Variants in ADGRL2 observed in about 807,000 individuals in gnomAD.
ADGRL2 encodes adhesion G protein-coupled receptor L2.
In ADGRL2, 44 loss-of-function variants were observed where a neutral mutation model predicts 157.4. The ratio of observed to expected loss-of-function variants is 0.28; its 90% CI spans 0.22 to 0.36. The LOEUF (loss-of-function observed/expected upper bound fraction) is 0.36. Among genes scored for constraint, ADGRL2 ranks in the 10% least tolerant of loss-of-function variants. The probability of loss-of-function intolerance (pLI) is 1.00; values close to 1 mark genes in which losing one functional copy is unlikely to be tolerated. For missense variants in ADGRL2, 1,510 were observed against 1,768.9 expected, an observed-to-expected ratio of 0.85 and a Z score of 2.63; for synonymous variants, 585 against 624.7, an observed-to-expected ratio of 0.94 and a Z score of 0.95.
At chr1:81,357,330 A>G (rs1345798726) in intron 1 of ADGRL2, among the ~76,000 whole-genome samples, 1 of 152,092 alleles carries the variant, frequency 6.6e-6, no homozygotes, top group Non-Finnish European at 1.5e-5. Flanking sequence ...TAAATATCCT[A>G]CACCTGGATA....
intron 3 of ADGRL2, among the ~76,000 whole-genome samples, chr1:81,602,674 G>A (rs749829140): frequency 1.1e-4 from 17 of 151,574 alleles, no homozygotes; most frequent in Non-Finnish European, 1.9e-4. Flanking sequence ...CAAGGTGGGC[G>A]GATCACATGA....
intron 2 of ADGRL2, chr1:81,557,433 A>T (rs1289274242): frequency 6.8e-6 from 1 of 146,898 alleles, no homozygotes; most frequent in African/African-American, 2.7e-5. Context: ...GAGAGAGAAA[A>T]AGAAAGAAAG....
intron 2 of ADGRL2, among the ~76,000 whole-genome samples, chr1:81,540,088 G>A (rs995723250): frequency 2.6e-5 from 4 of 152,076 alleles, no homozygotes; most frequent in South Asian, 4.1e-4. Flanking sequence ...TAACTTCTAC[G>A]ATTGTTTCTC....
chr1:81,370,970 T>C (rs1030375708), intron 1 of ADGRL2, among the ~76,000 whole-genome samples: 2 of 152,190 alleles, frequency 1.3e-5, no homozygotes, highest in African/African-American at 2.4e-5. Context: ...TTCTCTAGTC[T>C]AGCGTTTAAT....
intron 3 of ADGRL2, among the ~76,000 whole-genome samples, chr1:81,919,554 CT>C (rs35658951): frequency 0.58 from 85,623 of 148,680 alleles, 24,919 homozygotes; most frequent in Middle Eastern, 0.76. Flanking sequence ...TAAATGAAAG[CT>C]TTTTTTTTTT....
At chr1:81,361,220 C>T (rs1309859824) in intron 1 of ADGRL2, among the ~76,000 whole-genome samples, 2 of 151,864 alleles carry the variant, frequency 1.3e-5, no homozygotes, top group Non-Finnish European at 2.9e-5. Flanking sequence ...AGTGGCGATC[C>T]ATTGATTTCC....
At chr1:81,904,556 G>A (rs1290376960) in intron 2 of ADGRL2, among the ~76,000 whole-genome samples, 1 of 152,132 alleles carries the variant, frequency 6.6e-6, no homozygotes, top group Non-Finnish European at 1.5e-5. Context: ...TTGAAAAGTG[G>A]AAGGACAAGG....
intron 1 of ADGRL2, among the ~76,000 whole-genome samples, chr1:81,433,568 A>C (rs2077359729): frequency 6.6e-6 from 1 of 152,190 alleles, no homozygotes; most frequent in Non-Finnish European, 1.5e-5. Flanking sequence ...GGAGAGTTTA[A>C]AATGGTGCTT....
intron 2 of ADGRL2, among the ~76,000 whole-genome samples, chr1:81,900,715 G>T (rs2094470087): frequency 6.6e-6 from 1 of 152,154 alleles, no homozygotes; most frequent in African/African-American, 2.4e-5. Flanking sequence ...GACATGAGAG[G>T]ACTTGGCAGC....
intron 1 of ADGRL2, among the ~76,000 whole-genome samples, chr1:81,731,062 C>G (rs17107027): frequency 0.012 from 1,888 of 152,192 alleles, 38 homozygotes; most frequent in African/African-American, 0.043. Flanking sequence ...CAGGTGGTTA[C>G]ATTTTGAAAG....
rs1013851999 is a variant in ADGRL2, at chr1:81,986,818, AT to A, written c.3509-82del. On this transcript the variant is annotated intron_variant, in intron 21 of 23. Transcript: ENST00000686636. ...ACTACCCTTGATGAATATAAAAAAAATAGTTGACTACAACTGTAACACTAAA... is the reference window on the plus strand; with the variant it reads ...ACTACCCTTGATGAATATAAAAAAAAAGTTGACTACAACTGTAACACTAAA... 1.1e-5 allele frequency: 16 copies of A among 1,416,502 alleles called. No homozygotes were observed. In the African/African-American group the frequency reaches 1.7e-4, roughly 15 times the overall value. 87.7% of individuals were successfully genotyped at this position (1,416,502 alleles called of 1,614,324 possible).
intron 2 of ADGRL2, among the ~76,000 whole-genome samples, chr1:81,858,225 A>G (rs1302087549): frequency 1.3e-5 from 2 of 152,210 alleles, no homozygotes; most frequent in African/African-American, 4.8e-5. Flanking sequence ...GGCTTCATAC[A>G]TAAAATTTGA....
chr1:81,885,731 C>G (rs959798993), intron 2 of ADGRL2, among the ~76,000 whole-genome samples: 19 of 152,084 alleles, frequency 1.2e-4, no homozygotes, highest in African/African-American at 4.6e-4. Flanking sequence ...CTTTGACAAC[C>G]AGATTGAGGA....
chr1:81,744,533 G>C (rs970784080), intron 1 of ADGRL2, among the ~76,000 whole-genome samples: 1 of 152,048 alleles, frequency 6.6e-6, no homozygotes, highest in Non-Finnish European at 1.5e-5. Context: ...TACTGTTGAA[G>C]GTGGAATTTT....
chr1:81,545,115 C>T (rs977725663), intron 2 of ADGRL2, among the ~76,000 whole-genome samples: 26 of 151,982 alleles, frequency 1.7e-4, no homozygotes, highest in African/African-American at 2.7e-4. Context: ...AAGAAGGGCT[C>T]GACATTTATT....
chr1:81,341,264 T>C (rs1355390055), intron 1 of ADGRL2, among the ~76,000 whole-genome samples: 2 of 152,132 alleles, frequency 1.3e-5, no homozygotes, highest in Admixed American at 6.5e-5. Flanking sequence ...AGTAAAAATA[T>C]ATTTTTTTGA....
intron 3 of ADGRL2, among the ~76,000 whole-genome samples, chr1:81,926,588 A>C (rs17470239): frequency 6.6e-6 from 1 of 151,932 alleles, no homozygotes; most frequent in Non-Finnish European, 1.5e-5. Flanking sequence ...TAAGTGATAC[A>C]GGTTGTAATA....
intron 2 of ADGRL2, among the ~76,000 whole-genome samples, chr1:81,461,842 A>C (rs1029272264): frequency 6.6e-6 from 1 of 151,746 alleles, no homozygotes; most frequent in Non-Finnish European, 1.5e-5. Flanking sequence ...CATGAAATGA[A>C]ACAAATTTAA....
intron 3 of ADGRL2, chr1:81,625,512 A>T (rs1289024906): frequency 6.6e-6 from 1 of 152,148 alleles, no homozygotes; most frequent in East Asian, 1.9e-4. Flanking sequence ...TAAAGCTGTC[A>T]GTTTTCTCCA....
Sources: gnomAD v4.1 joint callset for allele counts (sites outside exome capture counted in the v4.1 genomes callset) on GRCh38, gnomAD v4.1.1 for gene constraint, MANE v1.5 for transcripts, NCBI Gene and HGNC (gene_info 2026-07-23, HGNC 2026-07-21) for gene names.